Variants in KCNMA1 observed in about 807,000 individuals in gnomAD.
KCNMA1 encodes the protein Calcium-activated potassium channel subunit alpha-1.
A neutral mutation model predicts 140.0 loss-of-function variants in KCNMA1; 29 were observed. The observed-to-expected ratio is 0.21, with a 90% CI of 0.15 to 0.28. The LOEUF is 0.28. Ranked by LOEUF, KCNMA1 falls within the 10% of genes least tolerant of loss-of-function variation. KCNMA1 has a pLI of 1.00. For synonymous variants in KCNMA1, 612 were observed against 611.9 expected, an observed-to-expected ratio of 1.00 and a Z score of 0.00; for missense variants, 880 against 1,602.2, an observed-to-expected ratio of 0.55 and a Z score of 7.70.
chr10:77,637,162 T>G (rs547307998), intron 1 of KCNMA1, 103 bp downstream of exon 1: 25 of 1,247,534 alleles, frequency 2.0e-5, no homozygotes, highest in Non-Finnish European at 2.7e-5. Context: ...CAGGCGGGGA[T>G]GGAGGGAGGC....
At chr10:77,494,593 C>A (rs1196782332) in intron 1 of KCNMA1, among the ~76,000 whole-genome samples, 1 of 152,214 alleles carries the variant, frequency 6.6e-6, no homozygotes, top group Non-Finnish European at 1.5e-5. Context: ...GGAGGCCTTG[C>A]CAACCCTGAG....
At position 76,884,963 on chromosome 10, in the gene KCNMA1, T is replaced by A; in HGVS notation, c.*2303A>T. 6.5e-7 allele frequency: 1 copy of A among 1,545,224 alleles called. No homozygotes were observed. Among genetic ancestry groups the A allele is most frequent in the East Asian group, 2.5e-5 (1 of 40,534 alleles). On this transcript the variant is annotated 3_prime_UTR_variant, in exon 28 of 28. Transcript: ENST00000286628. ...AAGAAAACCCCCAGCAGTGGCTAGG[T>A]CATGCAGAACCATTAATTGTCATAC...
At chr10:77,377,081 C>T (rs138960666) in intron 2 of KCNMA1, among the ~76,000 whole-genome samples, 24 of 152,228 alleles carry the variant, frequency 1.6e-4, no homozygotes, top group African/African-American at 4.1e-4. Context: ...GAAGAGCCTG[C>T]GCCTAGGTGA....
At chr10:76,904,019 T>C (rs2046732376) in intron 25 of KCNMA1, 1 of 152,222 alleles carries the variant, frequency 6.6e-6, no homozygotes, top group Admixed American at 6.5e-5. Flanking sequence ...CATAAATATA[T>C]ATACATATAT....
intron 2 of KCNMA1, among the ~76,000 whole-genome samples, chr10:77,352,795 T>A (rs1461206927): frequency 4.6e-5 from 7 of 152,214 alleles, no homozygotes; most frequent in African/African-American, 1.7e-4. Context: ...TACCACTCCC[T>A]CTGGGCAGTA....
rs11596838 is a variant in KCNMA1 at position 77,476,577 on chromosome 10, T to A, written c.379-72554A>T. 9.2e-3 allele frequency among the ~76,000 whole-genome samples: 1,397 copies of A among 152,346 alleles called. 10 individuals carry two copies. The highest frequency in any genetic ancestry group is 0.02 in the Middle Eastern group (6 of 294). ...AGGTCCTGAGCGGGTCAGAGGCTTT[T>A]GGCTCCTGCTGTCACAGGCTGCAAA... is the stretch of plus-strand genomic sequence containing the variant. On this transcript the variant is annotated intron_variant, in intron 1 of 27. Transcript: ENST00000286628.
intron 14 of KCNMA1, among the ~76,000 whole-genome samples, chr10:77,043,852 G>A (rs2094881175): frequency 6.6e-6 from 1 of 152,158 alleles, no homozygotes; most frequent in Admixed American, 6.5e-5. Flanking sequence ...GAGGGAATGA[G>A]GAGTCATCGT....
intron 3 of KCNMA1, among the ~76,000 whole-genome samples, chr10:77,245,956 C>T (rs1451859651): frequency 1.3e-5 from 2 of 152,202 alleles, no homozygotes; most frequent in Non-Finnish European, 2.9e-5. Context: ...AAACAGACAT[C>T]AGACAGCACC....
intron 12 of KCNMA1, among the ~76,000 whole-genome samples, chr10:77,083,847 C>A (rs7918245): frequency 0.76 from 93,124 of 122,240 alleles, 33,660 homozygotes; most frequent in Middle Eastern, 0.88. Context: ...TGAAAAAAAA[C>A]GGGGGGGGGT....
intron 5 of KCNMA1, among the ~76,000 whole-genome samples, chr10:77,182,001 TA>T (rs35786811): frequency 6.6e-6 from 1 of 152,138 alleles, no homozygotes; most frequent in Non-Finnish European, 1.5e-5. Context: ...GCTTATTTTT[TA>T]AAAAAATACT....
chr10:76,937,601 A>G (rs979798279), intron 23 of KCNMA1, among the ~76,000 whole-genome samples: 3 of 152,228 alleles, frequency 2.0e-5, no homozygotes, highest in African/African-American at 7.2e-5. Context: ...TTTGTCATCC[A>G]GTAATTTAGA....
chr10:77,350,929 G>C (rs1285358095), intron 2 of KCNMA1, among the ~76,000 whole-genome samples: 14 of 152,306 alleles, frequency 9.2e-5, no homozygotes, highest in Non-Finnish European at 1.6e-4. Context: ...TGGAGGCAGA[G>C]GTCCAGTGAG....
chr10:77,417,928 C>T (rs902416064), intron 1 of KCNMA1, among the ~76,000 whole-genome samples: 2 of 152,146 alleles, frequency 1.3e-5, no homozygotes, highest in Non-Finnish European at 2.9e-5. Flanking sequence ...ATCTACCGCT[C>T]CGAGCACAGC....
At chr10:77,369,191 C>G (rs1047997390) in intron 2 of KCNMA1, among the ~76,000 whole-genome samples, 1 of 152,108 alleles carries the variant, frequency 6.6e-6, no homozygotes, top group Non-Finnish European at 1.5e-5. Flanking sequence ...TATGTCTTGC[C>G]ATTTCTCTAG....
intron 1 of KCNMA1, among the ~76,000 whole-genome samples, chr10:77,493,587 T>A (rs376435997): frequency 6.6e-6 from 1 of 152,224 alleles, no homozygotes; most frequent in African/African-American, 2.4e-5. Flanking sequence ...CTCATCACCC[T>A]CCTAGAGTTG....
intron 5 of KCNMA1, among the ~76,000 whole-genome samples, chr10:77,121,697 C>T (rs1173494142): frequency 1.3e-5 from 2 of 152,040 alleles, no homozygotes; most frequent in African/African-American, 2.4e-5. Flanking sequence ...AACAACCTCT[C>T]TTGAATGAAA....
At chr10:77,481,047 G>T (rs1432820422) in intron 1 of KCNMA1, among the ~76,000 whole-genome samples, 4 of 151,474 alleles carry the variant, frequency 2.6e-5, no homozygotes, top group Non-Finnish European at 5.9e-5. Context: ...GAACCTGGAA[G>T]GGGGAGGTTC....
chr10:77,304,920 C>T (rs896179071), intron 2 of KCNMA1, among the ~76,000 whole-genome samples: 1 of 152,162 alleles, frequency 6.6e-6, no homozygotes, highest in Non-Finnish European at 1.5e-5. Flanking sequence ...CTTGGGAAGT[C>T]AATATCGGAC....
At chr10:77,154,839 C>A (rs10824493) in intron 5 of KCNMA1, among the ~76,000 whole-genome samples, 20,373 of 152,244 alleles carry the variant, frequency 0.13, 1,736 homozygotes, top group African/African-American at 0.25. Flanking sequence ...AAACAAACAA[C>A]TAATTACAAA....
Sources: gnomAD v4.1 joint callset for allele counts (sites outside exome capture counted in the v4.1 genomes callset) on GRCh38, gnomAD v4.1.1 for gene constraint, MANE v1.5 for transcripts, NCBI Gene and HGNC (gene_info 2026-07-23, HGNC 2026-07-21) for gene names.